Variants in ZNF507 observed in about 807,000 individuals in gnomAD.
ZNF507 encodes the protein zinc finger protein 507.
Under a neutral mutation model 80.0 loss-of-function variants are expected in ZNF507, and 29 were observed. The ratio of observed to expected loss-of-function variants is 0.36; its 90% CI spans 0.27 to 0.49. ZNF507 has a LOEUF of 0.49. Among genes scored for constraint, ZNF507 ranks in the 20% least tolerant of loss-of-function variants. The pLI is 0.98. For missense variants in ZNF507, 1,081 were observed against 1,152.2 expected, an observed-to-expected ratio of 0.94 and a Z score of 0.90; for synonymous variants, 462 against 422.5, an observed-to-expected ratio of 1.09 and a Z score of -1.15.
At chr19:32,373,801 T>C (rs1252553038) in intron 5 of ZNF507, among the ~76,000 whole-genome samples, 1 of 152,234 alleles carries the variant, frequency 6.6e-6, no homozygotes, top group African/African-American at 2.4e-5. Flanking sequence ...GGGTTTTTGC[T>C]GCACTTCGAT....
At chr19:32,375,593 A>G (rs1411308504) in intron 5 of ZNF507, among the ~76,000 whole-genome samples, 1 of 150,580 alleles carries the variant, frequency 6.6e-6, no homozygotes, top group African/African-American at 2.4e-5. Context: ...TGTAGATCTC[A>G]TTTGGATCCT....
chr19:32,350,905 C>T (rs1433020343), intron 2 of ZNF507, among the ~76,000 whole-genome samples: 1 of 152,206 alleles, frequency 6.6e-6, no homozygotes, highest in Non-Finnish European at 1.5e-5. Flanking sequence ...AGCCACAGCT[C>T]CTCTTGGCCT....
In ZNF507 at chr19:32,360,723, G is replaced by A. The variant is rs533773509; in HGVS notation, c.2360+105G>A. On this transcript the variant is annotated intron_variant, in intron 5 of 6. Coordinates refer to ENST00000355898, the MANE Select transcript of ZNF507 (RefSeq NM_001136156.2). The stretch of plus-strand genomic sequence containing the variant: ...TAGCACTTACTGAAACACAGGTTAA[G>A]AAGTAAGAAATTTTCACTAATTGGT... 105 of 542,982 alleles carry A rather than the reference G, an allele frequency of 1.9e-4. 1 individual carries two copies. The highest frequency in any genetic ancestry group is 1.1e-3 in the Middle Eastern group (2 of 1,894). 33.6% of individuals were successfully genotyped at this position (542,982 alleles called of 1,614,324 possible). A position where few individuals can be genotyped will look rare whatever the true frequency, so the allele number is the denominator to read the frequency against.
At chr19:32,345,989 G>A (rs1282485052) in intron 1 of ZNF507, among the ~76,000 whole-genome samples, 2 of 152,236 alleles carry the variant, frequency 1.3e-5, no homozygotes, top group African/African-American at 2.4e-5. Flanking sequence ...CCCTGCAGCT[G>A]GGGGTGGGGG....
rs1313674244 is a variant in ZNF507, at chr19:32,352,954, G to A, written c.124G>A (p.Asp42Asn). 1 of 1,614,132 alleles carries A rather than the reference G, an allele frequency of 6.2e-7. No homozygotes were observed. Among genetic ancestry groups the A allele is most frequent in the Non-Finnish European group, 8.5e-7 (1 of 1,180,030 alleles). Residue 42 changes from aspartate to asparagine, a missense_variant, in exon 3 of 7, where the codon GAT becomes AAT. Physicochemically the swap from Asp to Asn is conservative, Grantham distance 23. Coordinates refer to ENST00000355898, the MANE Select transcript of ZNF507 (RefSeq NM_001136156.2). ...TGATGAACAAAGAAAAACTAAACCA[G>A]ATCCATTAATCCATGTTATCCAGAA... ...EIDEQRKTKP[D>N]PLIHVIQKLS...
At chr19:32,360,481 A>C in intron 4 of ZNF507, 23 bp from the exon 5 acceptor site, 1 of 1,409,722 alleles carries the variant, frequency 7.1e-7, no homozygotes, top group Non-Finnish European at 9.6e-7. Context: ...CCTGCTACTA[A>C]AACTCTGAAA....
At chr19:32,379,121 C>T (rs888816217) in intron 5 of ZNF507, among the ~76,000 whole-genome samples, 5 of 152,174 alleles carry the variant, frequency 3.3e-5, no homozygotes, top group African/African-American at 9.7e-5. Flanking sequence ...GACCACACTA[C>T]AGTACACACC....
intron 2 of ZNF507, among the ~76,000 whole-genome samples, chr19:32,347,674 A>C (rs182638462): frequency 6.6e-6 from 1 of 152,262 alleles, no homozygotes; most frequent in Admixed American, 6.5e-5. Flanking sequence ...TATTACACAA[A>C]ATCTACAGAG....
chr19:32,368,284 A>G (rs1220846009), intron 5 of ZNF507, among the ~76,000 whole-genome samples: 1 of 152,186 alleles, frequency 6.6e-6, no homozygotes, highest in Non-Finnish European at 1.5e-5. Flanking sequence ...TCATCAGGGA[A>G]GGCTTGAAGG....
At chr19:32,370,929 T>G (rs1475482328) in intron 5 of ZNF507, among the ~76,000 whole-genome samples, 1 of 152,250 alleles carries the variant, frequency 6.6e-6, no homozygotes, top group Admixed American at 6.5e-5. Flanking sequence ...GGGTCCAGTT[T>G]AATCCTTTTG....
rs1967206131 is a variant in ZNF507, at chr19:32,353,784, T to C, written c.954T>C (p.Asn318=). ...GAGAGAGTGAACTGAGTATCCACAA[T>C]GGGCCATCAGTGCAAGTGCAGATTT... is the stretch of plus-strand genomic sequence containing the variant. ...AIGESELSIH[N]GPSVQVQICS... The change falls in exon 3 of 7, where the codon AAT becomes AAC. Residue 318 remains asparagine, a synonymous_variant. Transcript: ENST00000355898. The C allele has an allele frequency of 1.2e-6, 2 of 1,614,194 alleles. No homozygotes were observed. The highest frequency in any genetic ancestry group is 1.7e-6 in the Non-Finnish European group (2 of 1,180,022).
chr19:32,374,188 A>ACACT (rs57164942), intron 5 of ZNF507, among the ~76,000 whole-genome samples: 6 of 145,722 alleles, frequency 4.1e-5, no homozygotes, highest in Non-Finnish European at 3.0e-5. Flanking sequence ...ACACACACAC[A>ACACT]CTCTCTCTCT....
chr19:32,351,436 T>TGTGC (rs2145313969), intron 2 of ZNF507, among the ~76,000 whole-genome samples: 1 of 135,506 alleles, frequency 7.4e-6, no homozygotes, highest in African/African-American at 2.7e-5. Context: ...TGTGTGTGTG[T>TGTGC]GTGTGTGTGT....
chr19:32,356,974 TAAG>T (rs1967261231), intron 4 of ZNF507: 1 of 390,562 alleles, frequency 2.6e-6, no homozygotes, highest in South Asian at 3.8e-5. Context: ...AGTTGAAACT[TAAG>T]AGCCCCTTAG....
chr19:32,366,590 A>G (rs186141105), intron 5 of ZNF507, among the ~76,000 whole-genome samples: 27 of 152,308 alleles, frequency 1.8e-4, no homozygotes, highest in Admixed American at 1.6e-3. Flanking sequence ...GACCACCGCA[A>G]TTTATTCATT....
chr19:32,382,569 G>C lies in ZNF507; in HGVS notation c.2463G>C (p.Lys821Asn). 6.2e-7 allele frequency: 1 copy of C among 1,614,100 alleles called. No homozygotes were observed. The highest frequency in any genetic ancestry group is 1.1e-5 in the South Asian group (1 of 91,084). Reference protein sequence around the residue: ...DQNYNYEQVNKAINDAISQSG... With the variant: ...DQNYNYEQVNNAINDAISQSG... ...ATTACAACTACGAACAAGTAAACAA[G>C]GCTATTAACGACGCGATTTCACAAA... is the stretch of plus-strand genomic sequence containing the variant. Residue 821 changes from lysine to asparagine, a missense_variant, in exon 6 of 7, where the codon AAG becomes AAC. Transcript: ENST00000355898.
intron 3 of ZNF507, 95 bp downstream of exon 3, chr19:32,355,052 A>T (rs1967234085): frequency 8.0e-7 from 1 of 1,251,166 alleles, no homozygotes; most frequent in African/African-American, 1.5e-5. Flanking sequence ...CATTTTATAG[A>T]TAAGGAAACT....
chr19:32,370,583 G>C (rs1197504908), intron 5 of ZNF507, among the ~76,000 whole-genome samples: 1 of 152,114 alleles, frequency 6.6e-6, no homozygotes, highest in Non-Finnish European at 1.5e-5. Context: ...CGAGTTATTT[G>C]TCCTTCTGCT....
intron 1 of ZNF507, 83 bp from the exon 2 acceptor site, chr19:32,347,162 C>T (rs914968910): frequency 6.6e-6 from 1 of 151,650 alleles, no homozygotes; most frequent in Non-Finnish European, 1.5e-5. Flanking sequence ...AGAAATTTTT[C>T]ACTGCCAAAA....
Sources: gnomAD v4.1 joint callset for allele counts (sites outside exome capture counted in the v4.1 genomes callset) on GRCh38, gnomAD v4.1.1 for gene constraint, MANE v1.5 for transcripts, NCBI Gene and HGNC (gene_info 2026-07-23, HGNC 2026-07-21) for gene names.